Variants in CCL25 observed in about 807,000 individuals in gnomAD.
The protein encoded by CCL25 is C-C motif chemokine 25.
A neutral mutation model predicts 19.9 loss-of-function variants in CCL25; 14 were observed. The observed-to-expected ratio is 0.70, with a 90% CI of 0.47 to 1.10. The LOEUF (loss-of-function observed/expected upper bound fraction) is 1.10. CCL25 is among the 50% of genes least tolerant of loss of function. CCL25 has a pLI of 0.00. For missense variants in CCL25, 151 were observed against 181.2 expected (o/e 0.83, Z 0.96); for synonymous variants, 68 against 73.2 (o/e 0.93, Z 0.36).
chr19:8,054,221 C>T (rs2081252622), intron 2 of CCL25, among the ~76,000 whole-genome samples: 1 of 152,222 alleles, frequency 6.6e-6, no homozygotes, highest in African/African-American at 2.4e-5. Context: ...CCACCTGACC[C>T]ACCTGCCCCT....
At chr19:8,056,089 G>A in intron 2 of CCL25, 63 bp from the exon 3 acceptor site, 2 of 1,140,918 alleles carry the variant, frequency 1.8e-6, no homozygotes, top group South Asian at 1.5e-5. Context: ...GCCCTTGCCT[G>A]TGGCTGGCCC....
Position 8,062,580 on chromosome 19 carries a change from G to A in CCL25, c.*355G>A, listed in dbSNP as rs2081325646. On this transcript the variant is annotated 3_prime_UTR_variant, in exon 6 of 6. Transcript: ENST00000315626. ...CTGGGTCCCTCCAAAACTCTGGTCA[G>A]TTCAAGGATGCCCCTCCCAGGCTAT... The A allele has an allele frequency of 7.4e-6, 2 of 270,002 alleles. No homozygotes were observed. Among genetic ancestry groups the A allele is most frequent in the Non-Finnish European group, 1.4e-5 (2 of 144,170 alleles). The allele number at this position is 270,002 out of a possible 1,614,324, so 16.7% of individuals were successfully genotyped here.
chr19:8,062,271 T>TGAGG lies in CCL25; in HGVS notation c.*46_*47insGAGG. 1 of 1,611,094 alleles carries TGAGG rather than the reference T, an allele frequency of 6.2e-7. No homozygotes were observed. The highest frequency in any genetic ancestry group is 8.5e-7 in the Non-Finnish European group (1 of 1,178,558). On this transcript the variant is annotated 3_prime_UTR_variant, in exon 6 of 6. Transcript: ENST00000315626. ...CATCGGCACAGGAGGGGCCGGATCT[T>TGAGG]TCTCCGATAAAACCGTCGCCCTACA...
In CCL25 at chr19:8,062,202, C is replaced by G. The variant is rs1047981459; in HGVS notation, c.446-16C>G. On this transcript the variant is annotated splice_polypyrimidine_tract_variant and intron_variant, in intron 5 of 5. Coordinates refer to ENST00000315626, the MANE Select transcript of CCL25 (RefSeq NM_005624.4). The stretch of plus-strand genomic sequence containing the variant: ...AGCCGTCAATTTTACTTCGGCCTCT[C>G]TCATTGCTTCTGCAGGACTGTGAGC... 6.2e-7 allele frequency: 1 copy of G among 1,612,856 alleles called. No individual in the cohort carries two copies. Among genetic ancestry groups the G allele is most frequent in the Admixed American group, 1.7e-5 (1 of 59,990 alleles).
At chr19:8,059,818 G>A (rs1029622266) in intron 5 of CCL25, among the ~76,000 whole-genome samples, 22 of 152,030 alleles carry the variant, frequency 1.4e-4, no homozygotes, top group Admixed American at 4.6e-4. Context: ...GGCCGGGCGC[G>A]GTGGCTCATG....
chr19:8,062,313 C>G lies in CCL25; in HGVS notation c.*88C>G. On this transcript the variant is annotated 3_prime_UTR_variant, in exon 6 of 6. Transcript: ENST00000315626. ...CGCCCTACAGACCCAGCTGTCCCCACGCCTCTGTCTTTTGGGTCAAGTCTT... is the reference window on the plus strand; with the variant it reads ...CGCCCTACAGACCCAGCTGTCCCCAGGCCTCTGTCTTTTGGGTCAAGTCTT... 6.9e-7 allele frequency: 1 copy of G among 1,449,874 alleles called. No homozygotes were observed. The highest frequency in any genetic ancestry group is 1.7e-5 in the Admixed American group (1 of 59,496). 89.8% of individuals were successfully genotyped at this position (1,449,874 alleles called of 1,614,324 possible).
rs529713224 is a variant in CCL25, at chr19:8,060,215, C to T, written c.446-2003C>T. 2.0e-5 allele frequency among the ~76,000 whole-genome samples: 3 copies of T among 151,228 alleles called. No homozygotes were observed. In the East Asian group the frequency reaches 5.8e-4, roughly 29 times the overall value. On this transcript the variant is annotated intron_variant, in intron 5 of 5. Transcript: ENST00000315626. Reference sequence around the variant, plus strand: ...AATTAGCTAGTTGTGGTGGCATGCACCTGTAGTTTCAGCTGCTTGGGAGGC... The same window carrying T: ...AATTAGCTAGTTGTGGTGGCATGCATCTGTAGTTTCAGCTGCTTGGGAGGC...
At chr19:8,060,861 T>C (rs1201800336) in intron 5 of CCL25, among the ~76,000 whole-genome samples, 1 of 151,800 alleles carries the variant, frequency 6.6e-6, no homozygotes, top group East Asian at 1.9e-4. Flanking sequence ...TTTGTATTTT[T>C]AGTAGAGACG....
chr19:8,061,807 C>T (rs762340610), intron 5 of CCL25, among the ~76,000 whole-genome samples: 6 of 152,094 alleles, frequency 3.9e-5, no homozygotes, highest in Non-Finnish European at 8.8e-5. Context: ...TCCTGGCTAA[C>T]ACGGTGAAAC....
intron 5 of CCL25, among the ~76,000 whole-genome samples, chr19:8,058,167 C>G (rs542423893): frequency 9.0e-4 from 136 of 151,242 alleles, no homozygotes; most frequent in African/African-American, 3.1e-3. Context: ...GCTCCAGGGC[C>G]CCCCAAAGCC....
Position 8,056,175 on chromosome 19 carries a change from G to T in CCL25, c.97G>T (p.Ala33Ser). The T allele has an allele frequency of 6.4e-7, 1 of 1,552,566 alleles. No individual in the cohort carries two copies. The highest frequency in any genetic ancestry group is 1.4e-5 in the African/African-American group (1 of 73,014). The stretch of plus-strand genomic sequence containing the variant: ...AGGTGTCTTTGAGGACTGCTGCCTG[G>T]CCTACCACTACCCCATTGGGTGGGC... ...TQGVFEDCCLAYHYPIGWAVL... is the reference protein window; with the variant it reads ...TQGVFEDCCLSYHYPIGWAVL... Residue 33 changes from alanine (A) to serine (S), a missense_variant, in exon 3 of 6, where the codon GCC becomes TCC. Coordinates refer to ENST00000315626, the MANE Select transcript of CCL25 (RefSeq NM_005624.4).
chr19:8,059,103 TTTA>T (rs2081298366), intron 5 of CCL25, among the ~76,000 whole-genome samples: 2 of 76,456 alleles, frequency 2.6e-5, no homozygotes, highest in South Asian at 6.6e-4. Context: ...AATGTATATA[TTTA>T]TATATAATAT....
intron 3 of CCL25, 22 bp downstream of exon 3, chr19:8,056,291 G>A: frequency 1.9e-6 from 3 of 1,574,204 alleles, no homozygotes; most frequent in Non-Finnish European, 1.7e-6. Flanking sequence ...CGTGGGGGCT[G>A]GGGGGGTGGG....
At chr19:8,056,585 T>C (rs1325564252) in intron 4 of CCL25, 86 bp downstream of exon 4, 74 of 1,494,440 alleles carry the variant, frequency 5.0e-5, no homozygotes, top group Non-Finnish European at 6.4e-5. Context: ...AGGGAGGGAA[T>C]TGGAGACCAG....
intron 2 of CCL25, among the ~76,000 whole-genome samples, chr19:8,054,334 C>T (rs3136653): frequency 0.2 from 30,509 of 152,252 alleles, 3,227 homozygotes; most frequent in African/African-American, 0.26. Flanking sequence ...CCCAGCCCTT[C>T]GATCCTGGCC....
Position 8,055,485 on chromosome 19 carries a change from A to G in CCL25, c.74-667A>G, listed in dbSNP as rs540580531. Among the ~76,000 whole-genome samples, 533 of 151,056 alleles carry G rather than the reference A, an allele frequency of 3.5e-3. 1 individual carries two copies. The highest frequency in any genetic ancestry group is 7.4e-3 in the East Asian group (37 of 4,986). Reference sequence around the variant, plus strand: ...CGAGTAGCTGGGACTCCAGGCGCCCACCACCACACCCGGCTAATTTTTATA... The same window carrying G: ...CGAGTAGCTGGGACTCCAGGCGCCCGCCACCACACCCGGCTAATTTTTATA... On this transcript the variant is annotated intron_variant, in intron 2 of 5. Coordinates refer to ENST00000315626, the MANE Select transcript of CCL25 (RefSeq NM_005624.4).
At chr19:8,058,037 T>C (rs1354962812) in intron 5 of CCL25, 117 bp downstream of exon 5, 9 of 1,475,354 alleles carry the variant, frequency 6.1e-6, no homozygotes, top group Non-Finnish European at 7.2e-6. Context: ...GGAGAGGTGG[T>C]TGTGCGGTCA....
At chr19:8,054,180 C>T (rs530575776) in intron 2 of CCL25, among the ~76,000 whole-genome samples, 22 of 152,286 alleles carry the variant, frequency 1.4e-4, no homozygotes, top group African/African-American at 4.3e-4. Context: ...GGCGGCAGAC[C>T]CAGGGTCCCA....
chr19:8,053,755 G>A (rs2081249464), intron 2 of CCL25, among the ~76,000 whole-genome samples: 1 of 151,688 alleles, frequency 6.6e-6, no homozygotes, highest in Non-Finnish European at 1.5e-5. Flanking sequence ...CACTATGTTG[G>A]CCAGAGTAGT....
Sources: gnomAD v4.1 joint callset for allele counts (sites outside exome capture counted in the v4.1 genomes callset) on GRCh38, gnomAD v4.1.1 for gene constraint, MANE v1.5 for transcripts, NCBI Gene and HGNC (gene_info 2026-07-23, HGNC 2026-07-21) for gene names.